PARD3B: variants seen among roughly 807,000 people sequenced by gnomAD.
The protein encoded by PARD3B is par-3 family cell polarity regulator beta.
In PARD3B, 103 loss-of-function variants were observed where a neutral mutation model predicts 130.2. The ratio of observed to expected loss-of-function variants is 0.79; its 90% CI spans 0.67 to 0.93. PARD3B has a LOEUF of 0.93. Among genes scored for constraint, PARD3B ranks in the 40% least tolerant of loss-of-function variants. The probability of loss-of-function intolerance (pLI) is 0.00; values close to 1 mark genes in which losing one functional copy is unlikely to be tolerated. For synonymous variants in PARD3B, 583 were observed against 553.2 expected (o/e 1.05, Z -0.76); for missense variants, 1,609 against 1,499.2 (o/e 1.07, Z -1.21).
intron 3 of PARD3B, among the ~76,000 whole-genome samples, chr2:204,990,676 T>G (rs1219688509): frequency 1.3e-5 from 2 of 152,136 alleles, no homozygotes; most frequent in Non-Finnish European, 2.9e-5. Flanking sequence ...CTTGCCCCAG[T>G]TAATGACTTG....
intron 18 of PARD3B, among the ~76,000 whole-genome samples, chr2:205,346,327 C>G (rs1467866804): frequency 2.0e-5 from 3 of 152,026 alleles, no homozygotes; most frequent in African/African-American, 4.8e-5. Flanking sequence ...AGCTGAAGCA[C>G]CTGACCTCCA....
intron 2 of PARD3B, among the ~76,000 whole-genome samples, chr2:204,728,409 C>T (rs1220846324): frequency 6.6e-6 from 1 of 152,072 alleles, no homozygotes; most frequent in Non-Finnish European, 1.5e-5. Flanking sequence ...AGAAATCCTA[C>T]ACAAGTTCAT....
At chr2:205,073,935 A>G (rs1700889492) in intron 4 of PARD3B, among the ~76,000 whole-genome samples, 1 of 152,208 alleles carries the variant, frequency 6.6e-6, no homozygotes, top group South Asian at 2.1e-4. Flanking sequence ...ATACATGTGA[A>G]CAACCTAGCC....
chr2:204,847,046 G>T (rs1276161290), intron 2 of PARD3B, among the ~76,000 whole-genome samples: 1 of 152,024 alleles, frequency 6.6e-6, no homozygotes, highest in Non-Finnish European at 1.5e-5. Flanking sequence ...GAATAGAGTA[G>T]TCATCACACA....
intron 22 of PARD3B, among the ~76,000 whole-genome samples, chr2:205,580,903 T>C (rs1370203302): frequency 6.6e-6 from 1 of 152,182 alleles, no homozygotes; most frequent in Admixed American, 6.5e-5. Flanking sequence ...AATTTCACTA[T>C]AAATTATTCT....
chr2:204,996,953 C>T (rs888992987), intron 3 of PARD3B, among the ~76,000 whole-genome samples: 4 of 152,186 alleles, frequency 2.6e-5, no homozygotes, highest in African/African-American at 7.2e-5. Flanking sequence ...ACATGGTGCG[C>T]GCACACACTG....
intron 16 of PARD3B, among the ~76,000 whole-genome samples, chr2:205,295,912 A>C (rs1194877385): frequency 6.6e-6 from 1 of 152,202 alleles, no homozygotes; most frequent in Non-Finnish European, 1.5e-5. Context: ...TTGAAAAAAC[A>C]ATTTCAGGAG....
At chr2:204,965,067 C>A in intron 2 of PARD3B, 85 bp from the exon 3 acceptor site, 2 of 1,345,360 alleles carry the variant, frequency 1.5e-6, no homozygotes, top group Non-Finnish European at 2.0e-6. Flanking sequence ...TCTTTGCAAC[C>A]AAATAAAGAT....
In PARD3B at chr2:204,880,599, C is replaced by T. The variant is rs183711948; in HGVS notation, c.223-84553C>T. Among the ~76,000 whole-genome samples the T allele has an allele frequency of 5.9e-4, 81 of 136,422 alleles. No individual in the cohort carries two copies. In the Middle Eastern group the frequency reaches 0.018, roughly 31 times the overall value. 89.5% of individuals were successfully genotyped at this position (136,422 alleles called of 152,430 possible). A position where few individuals can be genotyped will look rare whatever the true frequency, so the allele number is the denominator to read the frequency against. Reference sequence around the variant, plus strand: ...GCTTGAACCTGGGAGGCAGTGATTGCAGTGAGCTGAGATCATGCCACTGCA... The same window carrying T: ...GCTTGAACCTGGGAGGCAGTGATTGTAGTGAGCTGAGATCATGCCACTGCA... On this transcript the variant is annotated intron_variant, in intron 2 of 22. Transcript: ENST00000406610.
At chr2:204,588,505 A>G (rs967312557) in intron 1 of PARD3B, among the ~76,000 whole-genome samples, 6 of 152,100 alleles carry the variant, frequency 3.9e-5, no homozygotes, top group Non-Finnish European at 7.4e-5. Flanking sequence ...AAATATTTCC[A>G]TTGGGCTTTT....
chr2:205,294,912 A>G (rs2041733787), intron 16 of PARD3B, among the ~76,000 whole-genome samples: 1 of 152,296 alleles, frequency 6.6e-6, no homozygotes, highest in Non-Finnish European at 1.5e-5. Context: ...TATTTGGAAC[A>G]CTGTGATAGG....
chr2:204,777,928 T>C (rs2041693663), intron 2 of PARD3B, among the ~76,000 whole-genome samples: 1 of 152,144 alleles, frequency 6.6e-6, no homozygotes, highest in East Asian at 1.9e-4. Context: ...TCATGAGCTC[T>C]GATGGTTTTA....
At position 205,473,663 on chromosome 2, in the gene PARD3B, T is replaced by C. The variant is rs1369494994; in HGVS notation, c.3045-26233T>C. On this transcript the variant is annotated intron_variant, in intron 20 of 22. Coordinates refer to ENST00000406610, the MANE Select transcript of PARD3B (RefSeq NM_001302769.2). This position sits in a 1 kb window ranked among gnomAD's most constrained non-coding sequence, Gnocchi z 4.9. The stretch of plus-strand genomic sequence containing the variant: ...ATATAAGGTTATATATATGTGTGTG[T>C]GTGTGTGTGTGTGTGTGTATGTATA... 1.0e-5 allele frequency among the ~76,000 whole-genome samples: 1 copy of C among 99,570 alleles called. No homozygotes were observed. Among genetic ancestry groups the C allele is most frequent in the Non-Finnish European group, 1.9e-5 (1 of 53,438 alleles). The allele number at this position is 99,570 out of a possible 152,430, so 65.3% of individuals were successfully genotyped here.
chr2:205,316,529 T>C (rs1185457739), intron 18 of PARD3B, among the ~76,000 whole-genome samples: 1 of 152,176 alleles, frequency 6.6e-6, no homozygotes, highest in Admixed American at 6.5e-5. Flanking sequence ...CACTACTCTC[T>C]GGGAAAACCC....
chr2:204,706,479 TAGA>T (rs2038166403), intron 2 of PARD3B, among the ~76,000 whole-genome samples: 1 of 152,076 alleles, frequency 6.6e-6, no homozygotes, highest in South Asian at 2.1e-4. Flanking sequence ...TGACAACTGA[TAGA>T]AGAAGACTCC....
rs115890122 is a variant in PARD3B at position 205,183,276 on chromosome 2, G to A, written c.1925-2488G>A. ...TGCCAGGATCATAGACCTTTATTCC[G>A]TAGGCAATGTGTGCAGCTGAAGTGA... is the stretch of plus-strand genomic sequence containing the variant. On this transcript the variant is annotated intron_variant, in intron 13 of 22. Coordinates refer to ENST00000406610, the MANE Select transcript of PARD3B (RefSeq NM_001302769.2). This position sits in a 1 kb window ranked among gnomAD's most constrained non-coding sequence, Gnocchi z 5.2. Among the ~76,000 whole-genome samples, 6,526 of 152,182 alleles carry A rather than the reference G, an allele frequency of 0.043. 194 individuals are homozygous for A. Among genetic ancestry groups the A allele is most frequent in the African/African-American group, 0.08 (3,301 of 41,504 alleles).
intron 1 of PARD3B, among the ~76,000 whole-genome samples, chr2:204,631,271 G>A (rs75247977): frequency 2.8e-5 from 4 of 144,874 alleles, no homozygotes; most frequent in African/African-American, 1.0e-4. Flanking sequence ...TTGTTTTTTA[G>A]ACAGAGTCTC....
chr2:204,726,509 T>C (rs1182642389), intron 2 of PARD3B, among the ~76,000 whole-genome samples: 1 of 152,130 alleles, frequency 6.6e-6, no homozygotes, highest in Non-Finnish European at 1.5e-5. Context: ...GCGTCAAGGG[T>C]GATTCTGAAA....
intron 22 of PARD3B, among the ~76,000 whole-genome samples, chr2:205,604,250 A>G (rs2054900031): frequency 6.6e-6 from 1 of 152,100 alleles, no homozygotes; most frequent in Non-Finnish European, 1.5e-5. Flanking sequence ...AGACTGGGCA[A>G]TTTACAAAAG....
Sources: allele counts gnomAD v4.1 joint callset (sites outside exome capture counted in the v4.1 genomes callset), GRCh38; gene constraint gnomAD v4.1.1; non-coding constraint Gnocchi (gnomAD v3.1); transcripts MANE v1.5; gene names NCBI Gene and HGNC (gene_info 2026-07-23, HGNC 2026-07-21).